Variants in ESPN observed in about 807,000 individuals in gnomAD.
The protein encoded by ESPN is espin.
A neutral mutation model predicts 77.7 loss-of-function variants in ESPN; 68 were observed. The observed-to-expected ratio is 0.87, with a 90% CI of 0.72 to 1.07. The LOEUF is 1.07. Ranked by LOEUF, ESPN falls within the 50% of genes least tolerant of loss-of-function variation. The probability of loss-of-function intolerance (pLI) is 0.00; values close to 1 mark genes in which losing one functional copy is unlikely to be tolerated. For synonymous variants in ESPN, 449 were observed against 567.1 expected, an observed-to-expected ratio of 0.79 and a Z score of 2.96; for missense variants, 1,060 against 1,239.0, an observed-to-expected ratio of 0.86 and a Z score of 2.17.
intron 5 of ESPN, among the ~76,000 whole-genome samples, chr1:6,442,112 G>C (rs2148521419): frequency 1.3e-5 from 2 of 152,314 alleles, no homozygotes; most frequent in Middle Eastern, 6.8e-3. Flanking sequence ...ACTCTGTTGA[G>C]GGACCGTGGG....
chr1:6,438,887 G>A (rs1198995752), intron 2 of ESPN, among the ~76,000 whole-genome samples: 4 of 152,248 alleles, frequency 2.6e-5, no homozygotes, highest in African/African-American at 9.6e-5. Context: ...TGAAACAGGC[G>A]GATCACTTGA....
intron 2 of ESPN, among the ~76,000 whole-genome samples, chr1:6,430,640 G>T (rs1336252568): frequency 1.3e-5 from 2 of 152,094 alleles, no homozygotes; most frequent in Non-Finnish European, 2.9e-5. Flanking sequence ...GCGTGGTGGC[G>T]CATGCCTGTA....
rs1259160016 is a variant in ESPN, at chr1:6,448,998, G to C, written c.1822G>C (p.Glu608Gln). 6 of 1,453,414 alleles carry C rather than the reference G, an allele frequency of 4.1e-6. No homozygotes were observed. The highest frequency in any genetic ancestry group is 2.5e-5 in the Admixed American group (1 of 39,728). 90.0% of individuals were successfully genotyped at this position (1,453,414 alleles called of 1,614,324 possible). A position where few individuals can be genotyped will look rare whatever the true frequency, so the allele number is the denominator to read the frequency against. ...CCCACCGCCGCCGCCGCCCCTGCCG[G>C]AGGCCGCGAGTTCGCCACCGCCGGC... The part of the protein sequence containing the change: ...PPPPPPPPLP[E>Q]AASSPPPAPP... Residue 608 changes from glutamate (E) to glutamine (Q), a missense_variant, in exon 8 of 13, where the codon GAG (glutamate) becomes CAG (glutamine). Glu to Gln is a conservative substitution (Grantham distance 29). Around this residue, in one of 3 missense-constraint regions of ESPN, gnomAD observed 374 missense variants for 381.4 expected, o/e 0.98. Transcript: ENST00000645284.
chr1:6,456,070 C>G, intron 10 of ESPN: 1 of 397,474 alleles, frequency 2.5e-6, no homozygotes. Context: ...GGTTCCGAAG[C>G]CCCCGCCGAA....
chr1:6,460,102 C>T lies in ESPN; in HGVS notation c.2521C>T (p.Gln841Ter). ...CGATGAGAGCAAGCTGGCGCCCTGG[C>T]AGCGACAGGTCATCCTGAAGAAGGG... is the stretch of plus-strand genomic sequence containing the variant. ...GYDESKLAPWQRQVILKKGDI... is the reference protein window; with the variant it reads ...GYDESKLAPW Residue 841 changes from glutamine (Q) to a stop codon, truncating the protein, a stop_gained, in exon 13 of 13, where the codon CAG becomes TAG. Coordinates refer to ENST00000645284, the MANE Select transcript of ESPN (RefSeq NM_031475.3). LOFTEE classifies it high-confidence loss of function. 1 of 1,613,240 alleles carries T rather than the reference C, an allele frequency of 6.2e-7. No individual in the cohort carries two copies. The highest frequency in any genetic ancestry group is 8.5e-7 in the Non-Finnish European group (1 of 1,180,030).
chr1:6,459,743 C>T (rs1267486365), intron 12 of ESPN, among the ~76,000 whole-genome samples: 1 of 152,158 alleles, frequency 6.6e-6, no homozygotes, highest in Non-Finnish European at 1.5e-5. Context: ...GACCCAGCAC[C>T]TCTGTTTCCA....
intron 2 of ESPN, 130 bp from the exon 3 acceptor site, chr1:6,440,124 C>G: frequency 1.0e-6 from 1 of 982,142 alleles, no homozygotes; most frequent in Non-Finnish European, 1.6e-6. Context: ...AGCAGCGGGC[C>G]GGTGACAGGG....
chr1:6,456,514 C>G (rs573758804), intron 10 of ESPN: 79 of 211,578 alleles, frequency 3.7e-4, no homozygotes, highest in African/African-American at 1.2e-3. Flanking sequence ...CTCCTCCTTG[C>G]GGCAGTGTGG....
intron 2 of ESPN, chr1:6,429,984 CTT>C (rs1233969346): frequency 6.5e-6 from 1 of 153,654 alleles, no homozygotes; most frequent in Non-Finnish European, 1.5e-5. Context: ...AAGAAGGTGT[CTT>C]TGTGTGGTTG....
At chr1:6,446,383 G>A (rs1449862059) in intron 7 of ESPN, among the ~76,000 whole-genome samples, 1 of 152,240 alleles carries the variant, frequency 6.6e-6, no homozygotes, top group Non-Finnish European at 1.5e-5. Context: ...CTGTGGAGGT[G>A]AGGGCTGGAA....
At chr1:6,461,302 C>T, downstream of ESPN, 4 of 1,191,610 alleles carry the variant, frequency 3.4e-6, no homozygotes, top group South Asian at 4.0e-5. The surrounding 1 kb of genome is among the most constrained non-coding windows in gnomAD (Gnocchi z 6.3). Context: ...AGGGGTGGGG[C>T]CGGCTGGTGC....
chr1:6,452,961 C>A (rs1214997741), intron 10 of ESPN, among the ~76,000 whole-genome samples: 1 of 151,806 alleles, frequency 6.6e-6, no homozygotes, highest in Non-Finnish European at 1.5e-5. Flanking sequence ...GGTGCGATCT[C>A]GACTCACTGC....
intron 1 of ESPN, among the ~76,000 whole-genome samples, chr1:6,425,741 C>G (rs1219914390): frequency 6.6e-6 from 1 of 152,214 alleles, no homozygotes; most frequent in African/African-American, 2.4e-5. Flanking sequence ...CTCCCCATAA[C>G]CCAGGCTGAC....
chr1:6,440,243 T>C lies in ESPN; in HGVS notation c.489-11T>C, dbSNP rs1643570824. On this transcript the variant is annotated splice_polypyrimidine_tract_variant and intron_variant, in intron 2 of 12. Coordinates refer to ENST00000645284, the MANE Select transcript of ESPN (RefSeq NM_031475.3). ...CGCTGAAAGCCCACGGTGGGCGCTG[T>C]GTCTCCGCAGGGGAGTGAATGCCCA... 1 of 1,548,054 alleles carries C rather than the reference T, an allele frequency of 6.5e-7. No individual in the cohort carries two copies. Among genetic ancestry groups the C allele is most frequent in the South Asian group, 1.2e-5 (1 of 83,982 alleles).
chr1:6,424,806 G>A lies in ESPN; in HGVS notation c.-150G>A. ...GCGGCGGAGCGGAGCGCCAGGCAGC[G>A]CGGAGCGGAGGCCAGGCCCACAGCC... On this transcript the variant is annotated 5_prime_UTR_variant, in exon 1 of 13. Coordinates refer to ENST00000645284, the MANE Select transcript of ESPN (RefSeq NM_031475.3). 2 of 784,472 alleles carry A rather than the reference G, an allele frequency of 2.5e-6. No individual in the cohort carries two copies. Among genetic ancestry groups the A allele is most frequent in the Non-Finnish European group, 3.4e-6 (2 of 584,474 alleles). The allele number at this position is 784,472 out of a possible 1,614,324, so 48.6% of individuals were successfully genotyped here. A position where few individuals can be genotyped will look rare whatever the true frequency, so the allele number is the denominator to read the frequency against.
chr1:6,450,552 GC>G lies in ESPN; in HGVS notation c.1916-1048del. 3 of 755,328 alleles carry G rather than the reference GC, an allele frequency of 4.0e-6. No individual in the cohort carries two copies. Among genetic ancestry groups the G allele is most frequent in the Non-Finnish European group, 4.8e-6 (3 of 619,252 alleles). The allele number at this position is 755,328 out of a possible 1,614,324, so 46.8% of individuals were successfully genotyped here. A position where few individuals can be genotyped will look rare whatever the true frequency, so the allele number is the denominator to read the frequency against. ...AGGCAGGAAAAGCAAGGCAGAAGGG[GC>G]CCAGACTTGAGGAAAGGGCAGGGGC... On this transcript the variant is annotated intron_variant, in intron 8 of 12. Coordinates refer to ENST00000645284, the MANE Select transcript of ESPN (RefSeq NM_031475.3). This position sits in a 1 kb window ranked among gnomAD's most constrained non-coding sequence, Gnocchi z 4.3.
intron 2 of ESPN, among the ~76,000 whole-genome samples, chr1:6,429,107 G>T (rs1569577141): frequency 6.6e-6 from 1 of 151,790 alleles, no homozygotes; most frequent in East Asian, 2.0e-4. Context: ...GAGGGAGGGA[G>T]GGAGGGAGGG....
At position 6,441,040 on chromosome 1, in the gene ESPN, G is replaced by A. The variant is rs3817911; in HGVS notation, c.965G>A (p.Arg322His). The change falls in exon 5 of 13, where the codon CGC (arginine) becomes CAC (histidine). Residue 322 changes from arginine to histidine, a missense_variant. Arg to His is a conservative substitution (Grantham distance 29). Transcript: ENST00000645284. Reference sequence around the variant, plus strand: ...TTCAACGGCCACAGCCACTGCACCCGCTACCTGCGCACGGTGGAGAACCTG... The same window carrying A: ...TTCAACGGCCACAGCCACTGCACCCACTACCTGCGCACGGTGGAGAACCTG... ...SDFNGHSHCT[R>H]YLRTVENLSV... 9 of 1,611,400 alleles carry A rather than the reference G, an allele frequency of 5.6e-6. No individual in the cohort carries two copies. In the South Asian group the frequency reaches 6.6e-5, roughly 12 times the overall value.
rs1644137299 is a variant in ESPN, at chr1:6,460,353, G to A, written c.*207G>A. The A allele has an allele frequency of 1.6e-6, 1 of 611,734 alleles. No individual in the cohort carries two copies. Among genetic ancestry groups the A allele is most frequent in the African/African-American group, 1.9e-5 (1 of 53,894 alleles). The allele number at this position is 611,734 out of a possible 1,614,324, so 37.9% of individuals were successfully genotyped here. The stretch of plus-strand genomic sequence containing the variant: ...ACGCCGCCACGGTTGCCCAGAAAAA[G>A]TGCCCAAGCTGCTGACGCAAACAAC... On this transcript the variant is annotated 3_prime_UTR_variant, in exon 13 of 13. Coordinates refer to ENST00000645284, the MANE Select transcript of ESPN (RefSeq NM_031475.3).
Sources: allele counts gnomAD v4.1 joint callset (sites outside exome capture counted in the v4.1 genomes callset), GRCh38; gene constraint gnomAD v4.1.1; regional missense constraint gnomAD v4.1.1; non-coding constraint Gnocchi (gnomAD v3.1); transcripts MANE v1.5; gene names NCBI Gene and HGNC (gene_info 2026-07-23, HGNC 2026-07-21).